GALNT13: variants seen among roughly 807,000 people sequenced by gnomAD.
GALNT13 encodes UDP-GalNAc:polypeptide N-acetylgalactosaminyltransferase 13.
A neutral mutation model predicts 64.2 loss-of-function variants in GALNT13; 28 were observed. The observed-to-expected ratio is 0.44, with a 90% CI of 0.32 to 0.60. The LOEUF is 0.60. Among genes scored for constraint, GALNT13 ranks in the 20% least tolerant of loss-of-function variants. The pLI, the probability that GALNT13 is intolerant of heterozygous loss-of-function variation, is 0.05. For missense variants in GALNT13, 577 were observed against 669.8 expected, an observed-to-expected ratio of 0.86 and a Z score of 1.53; for synonymous variants, 214 against 224.6, an observed-to-expected ratio of 0.95 and a Z score of 0.42.
chr2:154,341,224 C>T (rs1013932644), intron 9 of GALNT13, among the ~76,000 whole-genome samples: 3 of 152,036 alleles, frequency 2.0e-5, no homozygotes, highest in Non-Finnish European at 4.4e-5. Context: ...AAGGTGTTCA[C>T]TTACCCAGCA....
intron 3 of GALNT13, among the ~76,000 whole-genome samples, chr2:153,999,289 A>G (rs375864153): frequency 6.7e-6 from 1 of 149,028 alleles, no homozygotes; most frequent in East Asian, 2.0e-4. Context: ...TTTTTTTCCA[A>G]TTTGAATGTC....
chr2:153,873,200 G>C (rs1686108057), intron 1 of GALNT13, among the ~76,000 whole-genome samples: 2 of 152,150 alleles, frequency 1.3e-5, no homozygotes, highest in Non-Finnish European at 2.9e-5. Flanking sequence ...AGATTTTCCT[G>C]CGGGGTCAGT....
At chr2:153,306,498 G>A in the GALNT13 span, among the ~76,000 whole-genome samples, 1 of 152,088 alleles carries the variant, frequency 6.6e-6, no homozygotes, top group Admixed American at 6.6e-5. Context: ...ATTTACTAGA[G>A]TACATTCATA....
chr2:154,080,580 G>A (rs1427803444), intron 3 of GALNT13, among the ~76,000 whole-genome samples: 2 of 151,646 alleles, frequency 1.3e-5, no homozygotes, highest in East Asian at 3.9e-4. Context: ...ACAAGTGGAA[G>A]AGCGTGCACT....
At chr2:153,626,700 G>C in the GALNT13 span, among the ~76,000 whole-genome samples, 1 of 152,106 alleles carries the variant, frequency 6.6e-6, no homozygotes, top group Admixed American at 6.6e-5. Context: ...ACAAGCTACT[G>C]TCTGCAAGCC....
the GALNT13 span, among the ~76,000 whole-genome samples, chr2:153,632,367 A>G: frequency 6.6e-6 from 1 of 152,190 alleles, no homozygotes. Context: ...TTGATAAGCT[A>G]CTATTAACTA....
chr2:154,205,239 C>A (rs1687376748), intron 4 of GALNT13, among the ~76,000 whole-genome samples: 1 of 152,082 alleles, frequency 6.6e-6, no homozygotes, highest in Non-Finnish European at 1.5e-5. Flanking sequence ...AAGAGAGTGG[C>A]TAAAGTAATG....
chr2:154,150,418 G>A (rs1683920870), intron 4 of GALNT13, among the ~76,000 whole-genome samples: 2 of 152,228 alleles, frequency 1.3e-5, no homozygotes, highest in African/African-American at 2.4e-5. Flanking sequence ...GCCCGGCTTT[G>A]GTTATCAGGA....
At chr2:154,299,914 AT>A (rs1204552116) in intron 8 of GALNT13, among the ~76,000 whole-genome samples, 1 of 151,960 alleles carries the variant, frequency 6.6e-6, no homozygotes, top group Non-Finnish European at 1.5e-5. Flanking sequence ...AAATAAAAAA[AT>A]AGATTTACAT....
chr2:154,231,668 G>A (rs1281997471), intron 4 of GALNT13, among the ~76,000 whole-genome samples: 1 of 151,258 alleles, frequency 6.6e-6, no homozygotes, highest in Non-Finnish European at 1.5e-5. Flanking sequence ...ACCACAAGGT[G>A]CAGTGGAAGA....
At chr2:153,904,234 T>C (rs906243714) in intron 2 of GALNT13, among the ~76,000 whole-genome samples, 1 of 151,962 alleles carries the variant, frequency 6.6e-6, no homozygotes, top group Non-Finnish European at 1.5e-5. Context: ...TTGATGGACA[T>C]TTGTGCTCTT....
the GALNT13 span, among the ~76,000 whole-genome samples, chr2:153,844,179 G>T: frequency 3.3e-5 from 5 of 152,100 alleles, no homozygotes; most frequent in Non-Finnish European, 5.9e-5. Context: ...CTCTGTGGGG[G>T]CTTCTCCCCT....
the GALNT13 span, among the ~76,000 whole-genome samples, chr2:153,578,891 G>A: frequency 1.3e-5 from 2 of 152,152 alleles, no homozygotes; most frequent in Admixed American, 1.3e-4. Flanking sequence ...ATCACACAGA[G>A]GACCATAAAA....
the GALNT13 span, among the ~76,000 whole-genome samples, chr2:153,080,446 C>A: frequency 6.6e-6 from 1 of 152,014 alleles, no homozygotes; most frequent in Admixed American, 6.6e-5. Flanking sequence ...TAATACCATG[C>A]TTTTAATTTT....
chr2:154,209,814 T>A lies in GALNT13; in HGVS notation c.312-32216T>A, dbSNP rs1295406532. ...TACATATGTGGAATAATTAAATCAATCTAATTAACATATAAACCACCTAAA... is the reference window on the plus strand; with the variant it reads ...TACATATGTGGAATAATTAAATCAAACTAATTAACATATAAACCACCTAAA... On this transcript the variant is annotated intron_variant, in intron 4 of 12. Coordinates refer to ENST00000392825, the MANE Select transcript of GALNT13 (RefSeq NM_052917.4). Among the ~76,000 whole-genome samples the A allele has an allele frequency of 2.6e-5, 4 of 152,154 alleles. No individual in the cohort carries two copies. In the East Asian group the frequency reaches 7.7e-4, roughly 29 times the overall value.
chr2:153,552,707 T>C, the GALNT13 span, among the ~76,000 whole-genome samples: 1 of 151,420 alleles, frequency 6.6e-6, no homozygotes. Flanking sequence ...TCTAGAACAG[T>C]GGTCCCCAAC....
rs1574154561 is a variant in GALNT13 at position 153,937,431 on chromosome 2, A to T, written c.-104-6963A>T. Among the ~76,000 whole-genome samples the T allele has an allele frequency of 2.6e-5, 4 of 152,230 alleles. No homozygotes were observed. The East Asian group carries it at 7.7e-4, about 29-fold the overall frequency. The stretch of plus-strand genomic sequence containing the variant: ...ATTTGTATGAAACATTCAAAATAGG[A>T]AAATTCATAGCCAATAAATCAGATT... On this transcript the variant is annotated intron_variant, in intron 2 of 12. Coordinates refer to ENST00000392825, the MANE Select transcript of GALNT13 (RefSeq NM_052917.4).
At chr2:154,388,379 C>A (rs565685281) in intron 9 of GALNT13, among the ~76,000 whole-genome samples, 80 of 152,220 alleles carry the variant, frequency 5.3e-4, no homozygotes, top group African/African-American at 1.8e-3. Context: ...CTTTGCTGTG[C>A]AGAAGCTTTT....
chr2:153,595,399 A>T, the GALNT13 span, among the ~76,000 whole-genome samples: 1 of 151,878 alleles, frequency 6.6e-6, no homozygotes, highest in Non-Finnish European at 1.5e-5. Flanking sequence ...GATATCTATT[A>T]AAATAAAAAG....
Sources: gnomAD v4.1 joint callset for allele counts (sites outside exome capture counted in the v4.1 genomes callset) on GRCh38, gnomAD v4.1.1 for gene constraint, MANE v1.5 for transcripts, NCBI Gene and HGNC (gene_info 2026-07-23, HGNC 2026-07-21) for gene names.